The following TRIO variants were observed in gnomAD, a reference collection of about 807,000 sequenced individuals.
TRIO encodes the protein triple functional domain protein.
TRIO carries 58 observed loss-of-function variants against 351.9 expected under a neutral mutation model. The observed-to-expected ratio is 0.16, with a 90% CI of 0.13 to 0.21. TRIO has a LOEUF of 0.21. Ranked by LOEUF, TRIO falls within the 10% of genes least tolerant of loss-of-function variation. The probability of loss-of-function intolerance (pLI) is 1.00; values close to 1 mark genes in which losing one functional copy is unlikely to be tolerated. For missense variants in TRIO, 3,201 were observed against 4,027.8 expected, an observed-to-expected ratio of 0.79 and a Z score of 5.56; for synonymous variants, 1,758 against 1,595.7, an observed-to-expected ratio of 1.10 and a Z score of -2.42.
intron 8 of TRIO, among the ~76,000 whole-genome samples, chr5:14,312,675 T>G (rs1739031514): frequency 1.3e-5 from 2 of 152,234 alleles, no homozygotes; most frequent in Admixed American, 6.5e-5. Flanking sequence ...AAACAAAATG[T>G]ATAACTGAAG....
intron 11 of TRIO, among the ~76,000 whole-genome samples, chr5:14,340,031 C>A (rs1251977567): frequency 6.6e-6 from 1 of 152,212 alleles, no homozygotes; most frequent in Non-Finnish European, 1.5e-5. Flanking sequence ...CTAAAAGATA[C>A]ACATTGTCTG....
Position 14,487,810 on chromosome 5 carries a change from C to A in TRIO, c.7182C>A (p.Pro2394=). The change falls in exon 48 of 57, where the codon CCC becomes CCA. Residue 2394 remains proline, a synonymous_variant. Transcript: ENST00000344204. ...EAGPSAPSRR[P]PGADAEGSER... is the part of the protein sequence containing the mutation. ...GCCCCAGCGCGCCCAGCAGGCGGCCCCCCGGCGCGGACGCCGAGGGGTCCG... is the reference window on the plus strand; with the variant it reads ...GCCCCAGCGCGCCCAGCAGGCGGCCACCCGGCGCGGACGCCGAGGGGTCCG... The A allele has an allele frequency of 6.9e-7, 1 of 1,453,712 alleles. No individual in the cohort carries two copies. The highest frequency in any genetic ancestry group is 9.1e-7 in the Non-Finnish European group (1 of 1,102,320). 90.1% of individuals were successfully genotyped at this position (1,453,712 alleles called of 1,614,324 possible).
intron 1 of TRIO, among the ~76,000 whole-genome samples, chr5:14,184,564 C>T (rs1410964358): frequency 2.0e-5 from 3 of 152,160 alleles, no homozygotes; most frequent in South Asian, 2.1e-4. Context: ...TTGCTATGGA[C>T]GAGTCTAATT....
Position 14,393,004 on chromosome 5 carries a change from G to A in TRIO, c.4219-1034G>A, listed in dbSNP as rs556217146. Among the ~76,000 whole-genome samples, 207 of 150,548 alleles carry A rather than the reference G, an allele frequency of 1.4e-3. 1 individual carries two copies. Among genetic ancestry groups the A allele is most frequent in the South Asian group, 3.4e-3 (16 of 4,760 alleles). On this transcript the variant is annotated intron_variant, in intron 27 of 56. Transcript: ENST00000344204. ...GGAGCTTGCAGTGAACTGAGATCAC[G>A]CCACTGCATTCCAGTCTGGGCGACA...
chr5:14,179,711 T>C (rs983302565), intron 1 of TRIO, among the ~76,000 whole-genome samples: 1 of 152,178 alleles, frequency 6.6e-6, no homozygotes, highest in Non-Finnish European at 1.5e-5. Flanking sequence ...GCTGGAATTA[T>C]AGGCATGAGC....
chr5:14,501,520 A>G (rs1757301108), intron 53 of TRIO, among the ~76,000 whole-genome samples: 1 of 152,238 alleles, frequency 6.6e-6, no homozygotes, highest in African/African-American at 2.4e-5. Flanking sequence ...GCTAGCTGGC[A>G]GCACATGGCA....
intron 48 of TRIO, 99 bp from the exon 49 acceptor site, chr5:14,492,468 G>C (rs186845594): frequency 2.6e-6 from 4 of 1,534,782 alleles, no homozygotes; most frequent in Non-Finnish European, 2.7e-6. Flanking sequence ...CCTGCACGGG[G>C]TCATGGTGCC....
At position 14,403,898 on chromosome 5, in the gene TRIO, C is replaced by T. The variant is rs374589962; in HGVS notation, c.4717-1950C>T. On this transcript the variant is annotated intron_variant, in intron 31 of 56. Transcript: ENST00000344204. ...GAGGGTGCAGGTGGTGGTGAGGGTG[C>T]AGGTGGTGGTGGTGAGGGTGTAGGT... Among the ~76,000 whole-genome samples the T allele has an allele frequency of 1.3e-3, 58 of 43,658 alleles. No individual in the cohort carries two copies. The East Asian group carries it at 0.029, about 22-fold the overall frequency. The allele number at this position is 43,658 out of a possible 152,430, so 28.6% of individuals were successfully genotyped here. A position where few individuals can be genotyped will look rare whatever the true frequency, so the allele number is the denominator to read the frequency against.
chr5:14,366,471 A>G (rs994023413), intron 15 of TRIO, among the ~76,000 whole-genome samples: 1 of 152,184 alleles, frequency 6.6e-6, no homozygotes, highest in African/African-American at 2.4e-5. Flanking sequence ...GCATTTGCCA[A>G]TTTTTCAGTC....
intron 1 of TRIO, among the ~76,000 whole-genome samples, chr5:14,211,987 A>G (rs937805143): frequency 4.0e-5 from 6 of 151,506 alleles, no homozygotes; most frequent in African/African-American, 1.2e-4. Context: ...ACAAACAAAC[A>G]AAAAAACCAG....
At chr5:14,166,653 C>T (rs1222775160) in intron 1 of TRIO, among the ~76,000 whole-genome samples, 2 of 152,158 alleles carry the variant, frequency 1.3e-5, no homozygotes, top group Non-Finnish European at 2.9e-5. Context: ...AAAGCAAGAA[C>T]AAGCGCTTGC....
chr5:14,507,084 A>G (rs1222402223), intron 55 of TRIO, 38 bp from the exon 56 acceptor site: 4 of 1,540,370 alleles, frequency 2.6e-6, no homozygotes, highest in Non-Finnish European at 2.6e-6. Flanking sequence ...CTTCAAAGCA[A>G]ATCGCATCAT....
intron 1 of TRIO, among the ~76,000 whole-genome samples, chr5:14,248,131 G>C (rs1794543878): frequency 6.6e-6 from 1 of 151,652 alleles, no homozygotes. Flanking sequence ...ATTAGCTTAT[G>C]ACTGTGGGAT....
chr5:14,459,625 AGCTACTTGGGAG>A (rs1753619586), intron 34 of TRIO, among the ~76,000 whole-genome samples: 1 of 152,164 alleles, frequency 6.6e-6, no homozygotes, highest in African/African-American at 2.4e-5. Flanking sequence ...CTGTAGTTCC[AGCTACTTGGGAG>A]GCTGAGACGG....
intron 1 of TRIO, among the ~76,000 whole-genome samples, chr5:14,219,429 C>G (rs1792450261): frequency 6.6e-6 from 1 of 152,130 alleles, no homozygotes; most frequent in Non-Finnish European, 1.5e-5. Context: ...AGATCTGCTG[C>G]TTTCTAAAGT....
chr5:14,194,405 G>C (rs1218001867), intron 1 of TRIO, among the ~76,000 whole-genome samples: 1 of 152,146 alleles, frequency 6.6e-6, no homozygotes, highest in African/African-American at 2.4e-5. Flanking sequence ...TATAATAATT[G>C]TTTTCTTTCT....
intron 1 of TRIO, among the ~76,000 whole-genome samples, chr5:14,172,884 G>A (rs1789182964): frequency 6.6e-6 from 1 of 152,220 alleles, no homozygotes; most frequent in South Asian, 2.1e-4. Context: ...GGATCAGAGT[G>A]GACTCTGGAA....
At chr5:14,192,171 A>C (rs1790499227) in intron 1 of TRIO, among the ~76,000 whole-genome samples, 1 of 152,192 alleles carries the variant, frequency 6.6e-6, no homozygotes, top group Non-Finnish European at 1.5e-5. Context: ...GTATAAAAGA[A>C]GTGCCCCCAG....
At chr5:14,439,200 G>C (rs948981644) in intron 34 of TRIO, among the ~76,000 whole-genome samples, 1 of 152,152 alleles carries the variant, frequency 6.6e-6, no homozygotes, top group Non-Finnish European at 1.5e-5. Context: ...ATTTTTAATA[G>C]AGATGGGGTT....
Sources: allele counts gnomAD v4.1 joint callset (sites outside exome capture counted in the v4.1 genomes callset), GRCh38; gene constraint gnomAD v4.1.1; transcripts MANE v1.5; gene names NCBI Gene and HGNC (gene_info 2026-07-23, HGNC 2026-07-21).